Variants in IMPA1 observed in about 807,000 individuals in gnomAD.
IMPA1 encodes the protein D-galactose 1-phosphate phosphatase.
Under a neutral mutation model 34.9 loss-of-function variants are expected in IMPA1, and 21 were observed. The observed-to-expected ratio is 0.60, with a 90% CI of 0.43 to 0.87. The LOEUF is 0.87. Among genes scored for constraint, IMPA1 ranks in the 40% least tolerant of loss-of-function variants. The pLI, the probability that IMPA1 is intolerant of heterozygous loss-of-function variation, is 0.00. For synonymous variants in IMPA1, 95 were observed against 104.4 expected (o/e 0.91, Z 0.55); for missense variants, 299 against 336.4 (o/e 0.89, Z 0.87).
chr8:81,684,499 CA>C (rs202202304), intron 1 of IMPA1, among the ~76,000 whole-genome samples: 1,614 of 138,338 alleles, frequency 0.012, 64 homozygotes, highest in African/African-American at 0.043. Flanking sequence ...GTATACTACA[CA>C]TAAGTATCTT....
At chr8:81,672,315 G>A (rs1457957452) in intron 6 of IMPA1, among the ~76,000 whole-genome samples, 2 of 152,160 alleles carry the variant, frequency 1.3e-5, no homozygotes, top group Non-Finnish European at 2.9e-5. Flanking sequence ...GTTTTAATCT[G>A]CAGAATGCCA....
At chr8:81,667,037 T>C (rs1806849050) in intron 7 of IMPA1, among the ~76,000 whole-genome samples, 1 of 151,840 alleles carries the variant, frequency 6.6e-6, no homozygotes, top group Non-Finnish European at 1.5e-5. Flanking sequence ...TCCACCTACA[T>C]AAAAGAGTTG....
chr8:81,683,200 G>A (rs1308596114), intron 1 of IMPA1, among the ~76,000 whole-genome samples: 1 of 152,180 alleles, frequency 6.6e-6, no homozygotes, highest in Admixed American at 6.5e-5. Flanking sequence ...AAACAGGAGA[G>A]ATAAAGCTGG....
intron 7 of IMPA1, among the ~76,000 whole-genome samples, chr8:81,668,541 T>TC (rs1260930696): frequency 6.6e-6 from 1 of 152,124 alleles, no homozygotes; most frequent in Non-Finnish European, 1.5e-5. Context: ...TGCACTGAGC[T>TC]ATAATTGCAC....
At position 81,660,431 on chromosome 8, in the gene IMPA1, A is replaced by G. The variant is rs996454746; in HGVS notation, c.718+85T>C. 5 of 1,210,586 alleles carry G rather than the reference A, an allele frequency of 4.1e-6. No individual in the cohort carries two copies. In the Admixed American group the frequency reaches 9.6e-5, roughly 23 times the overall value. The allele number at this position is 1,210,586 out of a possible 1,614,324, so 75.0% of individuals were successfully genotyped here. ...TCTGCTTCAAAAACTGCAGTATAAC[A>G]TATATCAAAAAGTTTTTTAAATTCT... On this transcript the variant is annotated intron_variant, in intron 8 of 8. Transcript: ENST00000256108.
rs753024088 is a variant in IMPA1 at position 81,680,755 on chromosome 8, A to G, written c.92T>C (p.Met31Thr). 7.5e-6 allele frequency: 12 copies of G among 1,609,114 alleles called. 1 individual carries two copies. In the South Asian group the frequency reaches 1.2e-4, roughly 16 times the overall value. Residue 31 changes from methionine (M) to threonine (T), a missense_variant, in exon 3 of 9, where the codon ATG (methionine) becomes ACG (threonine). By Grantham distance (81) the Met-to-Thr change is moderately conservative. Coordinates refer to ENST00000256108, the MANE Select transcript of IMPA1 (RefSeq NM_005536.4). ...EVVCEAIKNE[M>T]NVMLKSSPVD... Reference sequence around the variant, plus strand: ...TGGAGAACTTTTCAGCATAACATTCATTTCATTTTTTATAGCTTCACAAAC... The same window carrying G: ...TGGAGAACTTTTCAGCATAACATTCGTTTCATTTTTTATAGCTTCACAAAC...
rs1462913018 is a variant in IMPA1, at chr8:81,657,951, T to C, written c.*1400A>G. 1 of 152,032 alleles carries C rather than the reference T, an allele frequency of 6.6e-6. No homozygotes were observed. Among genetic ancestry groups the C allele is most frequent in the Non-Finnish European group, 1.5e-5 (1 of 67,984 alleles). 9.4% of individuals were successfully genotyped at this position (152,032 alleles called of 1,614,324 possible). On this transcript the variant is annotated 3_prime_UTR_variant, in exon 9 of 9. Coordinates refer to ENST00000256108, the MANE Select transcript of IMPA1 (RefSeq NM_005536.4). ...ATGATAATGGTAATAATAATAAAAA[T>C]ATCAATTTAAAGTTTTATTCATGAT...
At chr8:81,680,465 C>G (rs564755522) in intron 3 of IMPA1, among the ~76,000 whole-genome samples, 185 bp downstream of exon 3, 4 of 152,322 alleles carry the variant, frequency 2.6e-5, no homozygotes, top group African/African-American at 9.6e-5. Context: ...TGCCAACAAT[C>G]ACGTGAGTGA....
chr8:81,660,762 C>T, intron 7 of IMPA1, 95 bp from the exon 8 acceptor site: 2 of 947,798 alleles, frequency 2.1e-6, no homozygotes, highest in Non-Finnish European at 3.1e-6. Context: ...ATTGAAGAAA[C>T]TTGGAACGAT....
intron 1 of IMPA1, chr8:81,686,010 C>G: frequency 7.9e-6 from 11 of 1,394,620 alleles, no homozygotes; most frequent in Non-Finnish European, 1.0e-5. Flanking sequence ...TCCACAGAAG[C>G]CGCCACAGAG....
At position 81,658,228 on chromosome 8, in the gene IMPA1, A is replaced by C. The variant is rs756522196; in HGVS notation, c.*1123T>G. On this transcript the variant is annotated 3_prime_UTR_variant, in exon 9 of 9. Transcript: ENST00000256108. ...AAGTCTAGTAGTCTGTTTACGTGCC[A>C]AGGGATAAGGCTGAACAATAAATTA... 4 of 152,194 alleles carry C rather than the reference A, an allele frequency of 2.6e-5. No homozygotes were observed. Among genetic ancestry groups the C allele is most frequent in the Non-Finnish European group, 4.4e-5 (3 of 68,034 alleles). 9.4% of individuals were successfully genotyped at this position (152,194 alleles called of 1,614,324 possible).
At chr8:81,664,405 C>A (rs540933863) in intron 7 of IMPA1, among the ~76,000 whole-genome samples, 1 of 152,084 alleles carries the variant, frequency 6.6e-6, no homozygotes, top group South Asian at 2.1e-4. Context: ...ACCGGAAGCC[C>A]GTAGATACAC....
chr8:81,684,867 TATTTAGATA>T (rs1294548882), intron 1 of IMPA1, among the ~76,000 whole-genome samples: 3 of 135,930 alleles, frequency 2.2e-5, no homozygotes, highest in African/African-American at 8.3e-5. Context: ...TACATAAGTA[TATTTAGATA>T]CTATGTATAG....
At chr8:81,660,429 A>T in intron 8 of IMPA1, 87 bp downstream of exon 8, 1 of 1,174,684 alleles carries the variant, frequency 8.5e-7, no homozygotes. Context: ...CTGCAGTATA[A>T]CATATATCAA....
rs1807220492 is a variant in IMPA1, at chr8:81,679,237, G to A, written c.198-7C>T. ...AGATTCTTCACCAATGAAACTAAAA[G>A]CCAAGTAGGACAAACTCTTAATCTT... On this transcript the variant is annotated splice_region_variant and splice_polypyrimidine_tract_variant and intron_variant, in intron 3 of 8. Transcript: ENST00000256108. 6.4e-7 allele frequency: 1 copy of A among 1,573,636 alleles called. No individual in the cohort carries two copies. The highest frequency in any genetic ancestry group is 8.7e-7 in the Non-Finnish European group (1 of 1,143,336).
chr8:81,664,072 T>C (rs1489994999), intron 7 of IMPA1, among the ~76,000 whole-genome samples: 3 of 152,028 alleles, frequency 2.0e-5, no homozygotes, highest in Non-Finnish European at 4.4e-5. Context: ...AAATAATATA[T>C]AGCATTAACT....
chr8:81,680,570 T>C (rs1226238202), intron 3 of IMPA1, 80 bp downstream of exon 3: 6 of 1,040,032 alleles, frequency 5.8e-6, no homozygotes, highest in Non-Finnish European at 8.6e-6. Flanking sequence ...AAGAACCGTG[T>C]AGTCAAGCTA....
intron 6 of IMPA1, among the ~76,000 whole-genome samples, chr8:81,672,723 G>A (rs1807022397): frequency 1.3e-5 from 2 of 152,084 alleles, no homozygotes; most frequent in South Asian, 4.1e-4. Flanking sequence ...TTCCTTTTTT[G>A]AGGCCAACAG....
At chr8:81,680,377 G>A (rs1020760260) in intron 3 of IMPA1, among the ~76,000 whole-genome samples, 3 of 152,124 alleles carry the variant, frequency 2.0e-5, no homozygotes, top group East Asian at 1.9e-4. Flanking sequence ...TCCATGTCGT[G>A]AGCTACTCTG....
Sources: gnomAD v4.1 joint callset for allele counts (sites outside exome capture counted in the v4.1 genomes callset) on GRCh38, gnomAD v4.1.1 for gene constraint, MANE v1.5 for transcripts, NCBI Gene and HGNC (gene_info 2026-07-23, HGNC 2026-07-21) for gene names.